PLCL2: variants seen among roughly 807,000 people sequenced by gnomAD.
The protein encoded by PLCL2 is phospholipase C like 2, also known as inactive phospholipase C-like protein 2.
Under a neutral mutation model 79.6 loss-of-function variants are expected in PLCL2, and 4 were observed. The ratio of observed to expected loss-of-function variants is 0.05; its 90% CI spans 0.02 to 0.11. The LOEUF (loss-of-function observed/expected upper bound fraction) is 0.11. Ranked by LOEUF, PLCL2 falls within the 10% of genes least tolerant of loss-of-function variation. PLCL2 has a pLI of 1.00. For missense variants in PLCL2, 895 were observed against 1,291.0 expected, an observed-to-expected ratio of 0.69 and a Z score of 4.70; for synonymous variants, 484 against 457.7, an observed-to-expected ratio of 1.06 and a Z score of -0.73.
At chr3:16,932,284 A>G (rs1697421986) in intron 1 of PLCL2, among the ~76,000 whole-genome samples, 1 of 152,178 alleles carries the variant, frequency 6.6e-6, no homozygotes, top group African/African-American at 2.4e-5. Flanking sequence ...TGTCTCAAGG[A>G]CTAACTTTTC....
chr3:17,027,739 AAGG>A, intron 3 of PLCL2, among the ~76,000 whole-genome samples: 1 of 152,240 alleles, frequency 6.6e-6, no homozygotes. Context: ...AACCTGGAGG[AAGG>A]AGGAGACTGT....
At position 16,893,356 on chromosome 3, in the gene PLCL2, A is replaced by G. The variant is rs572392229; in HGVS notation, c.327+7990A>G. ...TTGTTTTTTTAGGTGGGCTTCTTCT[A>G]TTATTGTTTCGGAATTGTCAACTAA... On this transcript the variant is annotated intron_variant, in intron 1 of 5. Coordinates refer to ENST00000615277, the MANE Select transcript of PLCL2 (RefSeq NM_001144382.2). Among the ~76,000 whole-genome samples, 7 of 152,318 alleles carry G rather than the reference A, an allele frequency of 4.6e-5. No homozygotes were observed. In the East Asian group the frequency reaches 1.3e-3, roughly 29 times the overall value.
At chr3:17,035,737 C>T (rs779365847) in intron 3 of PLCL2, 4 of 513,742 alleles carry the variant, frequency 7.8e-6, no homozygotes, top group African/African-American at 7.7e-5. Flanking sequence ...ATCTGGCCCT[C>T]ACTCCTCTTC....
chr3:17,066,375 C>G (rs1352463478), intron 4 of PLCL2, among the ~76,000 whole-genome samples: 1 of 152,118 alleles, frequency 6.6e-6, no homozygotes, highest in Non-Finnish European at 1.5e-5. Flanking sequence ...AAGTAAAAAG[C>G]CTAAATTGGC....
rs114324223 is a variant in PLCL2 at position 17,051,341 on chromosome 3, A to G, written c.3094+8392A>G. On this transcript the variant is annotated intron_variant, in intron 4 of 5. Coordinates refer to ENST00000615277, the MANE Select transcript of PLCL2 (RefSeq NM_001144382.2). ...TTTGTAACACAAATGATAAATGCTT[A>G]TTAAGTGGATAGATATTCCATTTTC... Among the ~76,000 whole-genome samples, 1,497 of 152,328 alleles carry G rather than the reference A, an allele frequency of 9.8e-3. 29 individuals are homozygous for G. The highest frequency in any genetic ancestry group is 0.034 in the African/African-American group (1,424 of 41,564).
At chr3:16,918,225 G>A (rs543085434) in intron 1 of PLCL2, among the ~76,000 whole-genome samples, 3 of 152,108 alleles carry the variant, frequency 2.0e-5, no homozygotes, top group African/African-American at 7.2e-5. Flanking sequence ...AGTCAGCAAG[G>A]CATTTAAACC....
At chr3:17,013,859 T>C (rs2064355033) in intron 2 of PLCL2, among the ~76,000 whole-genome samples, 1 of 152,194 alleles carries the variant, frequency 6.6e-6, no homozygotes, top group African/African-American at 2.4e-5. Flanking sequence ...TCAGGTAAAA[T>C]CTTGACTCCT....
At chr3:16,942,498 A>G (rs1345050613) in intron 1 of PLCL2, among the ~76,000 whole-genome samples, 1 of 152,106 alleles carries the variant, frequency 6.6e-6, no homozygotes, top group African/African-American at 2.4e-5. Flanking sequence ...GTGCTCACTG[A>G]TGGATTTTCA....
At chr3:16,907,334 C>G (rs866858871) in intron 1 of PLCL2, among the ~76,000 whole-genome samples, 1 of 152,172 alleles carries the variant, frequency 6.6e-6, no homozygotes, top group Non-Finnish European at 1.5e-5. Flanking sequence ...AACAACACAA[C>G]TTTATAGGAC....
At chr3:17,046,368 T>C (rs2124924239) in intron 4 of PLCL2, among the ~76,000 whole-genome samples, 2 of 152,334 alleles carry the variant, frequency 1.3e-5, no homozygotes, top group South Asian at 4.1e-4. Flanking sequence ...TGTTTTTGTC[T>C]CTTTAAATGC....
At chr3:17,054,476 C>T (rs1575606850) in intron 4 of PLCL2, among the ~76,000 whole-genome samples, 1 of 152,116 alleles carries the variant, frequency 6.6e-6, no homozygotes, top group East Asian at 1.9e-4. Flanking sequence ...TCAAGCAATG[C>T]CCTGCTTCTC....
chr3:16,934,969 G>A (rs1390887857), intron 1 of PLCL2, among the ~76,000 whole-genome samples: 3 of 152,170 alleles, frequency 2.0e-5, no homozygotes, highest in African/African-American at 2.4e-5. Context: ...CTGAGTCAAA[G>A]GAAAGATCTT....
At chr3:17,040,279 C>T (rs374005679) in intron 3 of PLCL2, among the ~76,000 whole-genome samples, 1 of 152,272 alleles carries the variant, frequency 6.6e-6, no homozygotes, top group South Asian at 2.1e-4. Context: ...AGATGAGCTT[C>T]TATATCTGGA....
Position 17,011,875 on chromosome 3 carries a change from C to A in PLCL2, c.2529C>A (p.Gly843=). 6.2e-7 allele frequency: 1 copy of A among 1,614,238 alleles called. No homozygotes were observed. Among genetic ancestry groups the A allele is most frequent in the Non-Finnish European group, 8.5e-7 (1 of 1,180,036 alleles). Residue 843 remains glycine, a synonymous_variant, in exon 2 of 6, where the codon GGC becomes GGA. Coordinates refer to ENST00000615277, the MANE Select transcript of PLCL2 (RefSeq NM_001144382.2). The surrounding 1 kb of genome is among the most constrained non-coding windows in gnomAD (Gnocchi z 7.9). ...DDDYIGDEFI[G]QYTIPFECLQ... is the part of the protein sequence containing the mutation. ...ACTACATTGGGGATGAATTCATCGG[C>A]CAGTACACAATTCCCTTTGAATGTT...
At chr3:16,984,873 A>G (rs2064033224) in intron 1 of PLCL2, among the ~76,000 whole-genome samples, 1 of 152,076 alleles carries the variant, frequency 6.6e-6, no homozygotes. Context: ...CGGAGCTTGC[A>G]GTGAGCCAAG....
rs184465366 is a variant in PLCL2, at chr3:16,967,614, T to C, written c.328-42060T>C. ...CCTTTGCCTACTTTTTAATGGGGTT[T>C]TTTTTGTTTGTTAATTTGCTTAAGT... is the stretch of plus-strand genomic sequence containing the variant. On this transcript the variant is annotated intron_variant, in intron 1 of 5. Coordinates refer to ENST00000615277, the MANE Select transcript of PLCL2 (RefSeq NM_001144382.2). Among the ~76,000 whole-genome samples the C allele has an allele frequency of 4.6e-5, 7 of 152,016 alleles. No homozygotes were observed. The East Asian group carries it at 1.4e-3, about 29-fold the overall frequency.
intron 3 of PLCL2, among the ~76,000 whole-genome samples, chr3:17,019,013 CAATAGATAGTA>C (rs1394268449): frequency 7.9e-5 from 12 of 151,920 alleles, no homozygotes; most frequent in African/African-American, 2.7e-4. Context: ...AGATGATAGA[CAATAGATAGTA>C]AATAGATATT....
intron 5 of PLCL2, among the ~76,000 whole-genome samples, chr3:17,083,167 G>A (rs1208022440): frequency 6.6e-6 from 1 of 152,100 alleles, no homozygotes; most frequent in Non-Finnish European, 1.5e-5. Context: ...AGGCAGGGAA[G>A]CAGTAAGGAG....
At chr3:16,987,552 C>G (rs1218257575) in intron 1 of PLCL2, among the ~76,000 whole-genome samples, 1 of 152,116 alleles carries the variant, frequency 6.6e-6, no homozygotes, top group Non-Finnish European at 1.5e-5. Context: ...AATACAGGCT[C>G]TACTCAAGTG....
Sources: allele counts gnomAD v4.1 joint callset (sites outside exome capture counted in the v4.1 genomes callset), GRCh38; gene constraint gnomAD v4.1.1; non-coding constraint Gnocchi (gnomAD v3.1); transcripts MANE v1.5; gene names NCBI Gene and HGNC (gene_info 2026-07-23, HGNC 2026-07-21).